CCR3: variants seen among roughly 807,000 people sequenced by gnomAD.
CCR3 encodes the protein C-C chemokine receptor type 3.
For synonymous variants in CCR3, 203 were observed against 179.2 expected (o/e 1.13, Z -1.06); for missense variants, 419 against 437.5 (o/e 0.96, Z 0.38).
At chr3:46,227,260 T>C (rs981221945) in intron 2 of CCR3, among the ~76,000 whole-genome samples, 2 of 152,218 alleles carry the variant, frequency 1.3e-5, no homozygotes, top group Non-Finnish European at 2.9e-5. Flanking sequence ...TTCTGAATTG[T>C]TGAATTTATG....
intron 1 of CCR3, chr3:46,264,444 C>A (rs1700580797): frequency 1.3e-6 from 2 of 1,525,004 alleles, no homozygotes; most frequent in Middle Eastern, 1.7e-4. Context: ...GCACACAAGC[C>A]AGGTTCCTCA....
chr3:46,245,452 T>C (rs1234439206), intron 1 of CCR3, among the ~76,000 whole-genome samples: 1 of 147,320 alleles, frequency 6.8e-6, no homozygotes, highest in African/African-American at 2.5e-5. Flanking sequence ...CATTGCCTAA[T>C]CCAACCCTTT....
Position 46,265,716 on chromosome 3 carries a change from T to C in CCR3, c.558T>C (p.Leu186=), listed in dbSNP as rs1387781215. The change falls in exon 2 of 2, where the codon CTT becomes CTC. Residue 186 remains leucine, a synonymous_variant. Coordinates refer to ENST00000395940, the MANE Select transcript of CCR3 (RefSeq NM_178329.3). ...ELFEETLCSA[L]YPEDTVYSWR... ...TTGAAGAGACTCTTTGCAGTGCTCTTTACCCAGAGGATACAGTATATAGCT... is the reference window on the plus strand; with the variant it reads ...TTGAAGAGACTCTTTGCAGTGCTCTCTACCCAGAGGATACAGTATATAGCT... 2 of 1,613,904 alleles carry C rather than the reference T, an allele frequency of 1.2e-6. No individual in the cohort carries two copies. Among genetic ancestry groups the C allele is most frequent in the African/African-American group, 2.7e-5 (2 of 74,902 alleles).
At chr3:46,242,991 A>ATATT (rs2125927325) in intron 1 of CCR3, among the ~76,000 whole-genome samples, 1 of 117,316 alleles carries the variant, frequency 8.5e-6, no homozygotes, top group African/African-American at 3.9e-5. Context: ...ACATATATAT[A>ATATT]TATATATATA....
upstream of CCR3, among the ~76,000 whole-genome samples, chr3:46,237,529 C>G (rs1700037525): frequency 3.3e-5 from 5 of 152,166 alleles, no homozygotes; most frequent in South Asian, 1.0e-3. Context: ...TGTCTTGAAG[C>G]ATTTTCCCTA....
upstream of CCR3, among the ~76,000 whole-genome samples, chr3:46,241,127 C>T (rs578042238): frequency 1.3e-5 from 2 of 151,210 alleles, no homozygotes; most frequent in South Asian, 4.2e-4. Context: ...AAATTCTCTC[C>T]CTATTCTTTC....
Position 46,265,374 on chromosome 3 carries a change from C to T in CCR3, c.216C>T (p.Tyr72=). Residue 72 remains tyrosine, a synonymous_variant, in exon 2 of 2, where the codon TAC becomes TAT. Coordinates refer to ENST00000395940, the MANE Select transcript of CCR3 (RefSeq NM_178329.3). ...YRRLRIMTNI[Y]LLNLAISDLL... ...GGCTCCGAATTATGACCAACATCTACCTGCTCAACCTGGCCATTTCGGACC... is the reference window on the plus strand; with the variant it reads ...GGCTCCGAATTATGACCAACATCTATCTGCTCAACCTGGCCATTTCGGACC... 2.5e-6 allele frequency: 4 copies of T among 1,614,158 alleles called. No homozygotes were observed. Among genetic ancestry groups the T allele is most frequent in the Non-Finnish European group, 2.5e-6 (3 of 1,180,008 alleles).
At chr3:46,264,337 T>C in intron 1 of CCR3, 1 of 1,020,180 alleles carries the variant, frequency 9.8e-7, no homozygotes, top group Non-Finnish European at 1.5e-6. Context: ...TAATAGTTAA[T>C]TACTGTGATT....
intron 2 of CCR3, among the ~76,000 whole-genome samples, chr3:46,227,298 T>C (rs1322476237): frequency 6.6e-6 from 1 of 151,986 alleles, no homozygotes; most frequent in Admixed American, 6.6e-5. Context: ...AGTATTCTAT[T>C]ATTATTCCTT....
At chr3:46,262,868 T>C (rs1262573524) in intron 1 of CCR3, among the ~76,000 whole-genome samples, 1 of 152,206 alleles carries the variant, frequency 6.6e-6, no homozygotes, top group Non-Finnish European at 1.5e-5. Flanking sequence ...TTGTCCAGGC[T>C]GGTCTTGAAT....
intron 1 of CCR3, among the ~76,000 whole-genome samples, chr3:46,252,879 T>C (rs777008162): frequency 3.3e-5 from 5 of 151,960 alleles, no homozygotes; most frequent in Middle Eastern, 3.2e-3. Context: ...TTCTTTCCAC[T>C]ACATTTAAAA....
chr3:46,250,783 G>C (rs991030650), intron 1 of CCR3, among the ~76,000 whole-genome samples: 2 of 151,896 alleles, frequency 1.3e-5, no homozygotes, highest in Non-Finnish European at 2.9e-5. Flanking sequence ...AGAAAAGAGA[G>C]AGTAGAGACA....
chr3:46,236,309 G>T (rs564754228), intron 2 of CCR3, among the ~76,000 whole-genome samples: 2 of 152,338 alleles, frequency 1.3e-5, no homozygotes, highest in South Asian at 4.1e-4. Flanking sequence ...TGAACTCAGA[G>T]CAGCAGAGAG....
At chr3:46,238,897 G>A (rs1174699025), upstream of CCR3, among the ~76,000 whole-genome samples, 1 of 152,202 alleles carries the variant, frequency 6.6e-6, no homozygotes, top group Non-Finnish European at 1.5e-5. Flanking sequence ...GCAAAACTAA[G>A]CTAGAGCAAC....
At chr3:46,220,615 A>G (rs1699825723) in intron 2 of CCR3, among the ~76,000 whole-genome samples, 1 of 152,238 alleles carries the variant, frequency 6.6e-6, no homozygotes, top group African/African-American at 2.4e-5. Flanking sequence ...ATGTCCGTCA[A>G]CTAACGAGTG....
At chr3:46,261,919 C>T (rs1399519032) in intron 1 of CCR3, among the ~76,000 whole-genome samples, 1 of 152,168 alleles carries the variant, frequency 6.6e-6, no homozygotes, top group Non-Finnish European at 1.5e-5. Context: ...AGAATGAATA[C>T]CTCATGAGTA....
chr3:46,218,563 G>T (rs56062522), intron 2 of CCR3, among the ~76,000 whole-genome samples: 8,771 of 152,060 alleles, frequency 0.058, 839 homozygotes, highest in African/African-American at 0.2. Flanking sequence ...CATGAATGTG[G>T]ATGCAAAAAT....
chr3:46,228,224 T>A (rs781442163), intron 2 of CCR3, among the ~76,000 whole-genome samples: 22 of 151,832 alleles, frequency 1.4e-4, no homozygotes, highest in Non-Finnish European at 2.9e-4. Context: ...GACACCCTGG[T>A]CTTTCTTCCT....
intron 1 of CCR3, among the ~76,000 whole-genome samples, chr3:46,257,480 G>A (rs1700451532): frequency 1.5e-5 from 2 of 135,652 alleles, no homozygotes; most frequent in Non-Finnish European, 3.1e-5. Flanking sequence ...CTCTTCCATT[G>A]AGAGTAAAGG....
Sources: allele counts gnomAD v4.1 joint callset (sites outside exome capture counted in the v4.1 genomes callset), GRCh38; gene constraint gnomAD v4.1.1; transcripts MANE v1.5; gene names NCBI Gene and HGNC (gene_info 2026-07-23, HGNC 2026-07-21).